RPS29: variants seen among roughly 807,000 people sequenced by gnomAD.
RPS29 encodes the protein ribosomal protein S29.
For missense variants in RPS29, 60 were observed against 75.7 expected, an observed-to-expected ratio of 0.79 and a Z score of 0.77; for synonymous variants, 37 against 26.9, an observed-to-expected ratio of 1.37 and a Z score of -1.16.
chr14:49,573,917 G>C (rs1881116125), exon 3 of RPS29: 2 of 152,192 alleles, frequency 1.3e-5, no homozygotes, highest in African/African-American at 4.8e-5. Context: ...ACCAGACTCA[G>C]TCTATGAAAT....
intron 1 of RPS29, among the ~76,000 whole-genome samples, chr14:49,595,804 G>C (rs867081499): frequency 3.9e-5 from 6 of 152,204 alleles, no homozygotes; most frequent in Admixed American, 3.3e-4. Context: ...CCAGAGGTCA[G>C]GAGTTCGAGA....
intron 1 of RPS29, chr14:49,597,369 C>T (rs955192143): frequency 1.3e-5 from 2 of 151,820 alleles, no homozygotes; most frequent in African/African-American, 2.4e-5. Context: ...AACATTTCTA[C>T]TCTAATGAAA....
At chr14:49,590,757 C>A (rs1003984732), upstream of RPS29, among the ~76,000 whole-genome samples, 3 of 150,696 alleles carry the variant, frequency 2.0e-5, no homozygotes, top group Admixed American at 1.3e-4. Context: ...GTAGGGCCAT[C>A]TCGGCTCACT....
downstream of RPS29, chr14:49,583,490 G>A: frequency 1.7e-6 from 1 of 600,170 alleles, no homozygotes; most frequent in East Asian, 3.5e-5. Flanking sequence ...TGGCGACAGA[G>A]GGGGACTCAG....
chr14:49,587,921 C>T (rs541093232), upstream of RPS29, among the ~76,000 whole-genome samples: 21 of 152,288 alleles, frequency 1.4e-4, 1 homozygote, highest in South Asian at 4.1e-3. Flanking sequence ...AGGTGAACAA[C>T]TTTGTGTAAC....
chr14:49,586,708 C>G (rs969216913), upstream of RPS29: 36 of 266,986 alleles, frequency 1.3e-4, no homozygotes, highest in Non-Finnish European at 2.0e-4. Context: ...AGTTCGGCAT[C>G]AATATGGTGA....
At chr14:49,595,888 C>A (rs1197028969) in intron 1 of RPS29, among the ~76,000 whole-genome samples, 1 of 152,052 alleles carries the variant, frequency 6.6e-6, no homozygotes, top group African/African-American at 2.4e-5. Flanking sequence ...TGACAGGCAC[C>A]TGTAATCCCA....
At chr14:49,585,575 C>T (rs761739511) in intron 2 of RPS29, 56 of 322,812 alleles carry the variant, frequency 1.7e-4, no homozygotes, top group Non-Finnish European at 2.7e-4. Flanking sequence ...AGAGGGAGAC[C>T]CTATCTCTAA....
chr14:49,590,384 G>A (rs1021459116), upstream of RPS29, among the ~76,000 whole-genome samples: 4 of 151,996 alleles, frequency 2.6e-5, no homozygotes. Flanking sequence ...GCTGAGGCAG[G>A]AGAATCGCTT....
At chr14:49,579,592 G>A (rs1401905351), downstream of RPS29, among the ~76,000 whole-genome samples, 2 of 152,100 alleles carry the variant, frequency 1.3e-5, no homozygotes. Context: ...GGTTGTTTGG[G>A]CCTCTCCTAT....
upstream of RPS29, among the ~76,000 whole-genome samples, chr14:49,589,114 C>T (rs1387743348): frequency 1.3e-5 from 2 of 151,870 alleles, no homozygotes. Context: ...AGGATGGTCT[C>T]GATCTCCTGA....
intron 1 of RPS29, among the ~76,000 whole-genome samples, chr14:49,596,578 G>A (rs1881825906): frequency 6.6e-6 from 1 of 152,122 alleles, no homozygotes; most frequent in Admixed American, 6.5e-5. Flanking sequence ...ACTGATAGAT[G>A]TTTAAAAAAG....
intron 1 of RPS29, among the ~76,000 whole-genome samples, chr14:49,596,306 T>C (rs1024775728): frequency 1.3e-5 from 2 of 152,174 alleles, no homozygotes; most frequent in African/African-American, 4.8e-5. Context: ...CAAAAACTTG[T>C]AGTCCAATTA....
chr14:49,581,952 G>T (rs1161117599), downstream of RPS29, among the ~76,000 whole-genome samples: 1 of 147,342 alleles, frequency 6.8e-6, no homozygotes, highest in Non-Finnish European at 1.5e-5. Context: ...AGCCCAAGAG[G>T]TTGAGGCTGC....
At chr14:49,582,778 G>A (rs1177169838), downstream of RPS29, among the ~76,000 whole-genome samples, 1 of 152,130 alleles carries the variant, frequency 6.6e-6, no homozygotes, top group Non-Finnish European at 1.5e-5. Context: ...CAAATCCCAA[G>A]AATTTTCACC....
upstream of RPS29, among the ~76,000 whole-genome samples, chr14:49,588,349 G>C (rs184891512): frequency 6.6e-5 from 10 of 152,246 alleles, no homozygotes; most frequent in Admixed American, 5.9e-4. Context: ...TATTCTCTTT[G>C]ATAGAGATAT....
At chr14:49,591,128 T>C (rs1230310946), upstream of RPS29, among the ~76,000 whole-genome samples, 2 of 152,162 alleles carry the variant, frequency 1.3e-5, no homozygotes, top group Admixed American at 1.3e-4. Flanking sequence ...AAGTAAAACA[T>C]ACATACTTCA....
Position 49,586,314 on chromosome 14 carries a change from C to A in RPS29, c.33G>T (p.Pro11=), listed in dbSNP as rs779618405. ...AGCGAGAACCCTGGCCGAATTTTCG[C>A]GGGTGGCTCCAGTACAGCTGCTGGT... The part of the protein sequence containing the change: MGHQQLYWSH[P]RKFGQGSRSC... Residue 11 remains proline, a synonymous_variant, in exon 1 of 3, where the codon CCG becomes CCT. Coordinates refer to ENST00000245458, the MANE Select transcript of RPS29 (RefSeq NM_001032.5). The A allele has an allele frequency of 6.3e-5, 102 of 1,613,828 alleles. No homozygotes were observed. The highest frequency in any genetic ancestry group is 8.6e-5 in the Non-Finnish European group (102 of 1,179,850).
chr14:49,586,209 G>C (rs556860214), intron 1 of RPS29, 76 bp downstream of exon 1: 1 of 1,496,564 alleles, frequency 6.7e-7, no homozygotes, highest in Admixed American at 1.7e-5. Context: ...GCCGCCCGTG[G>C]CCTCCTCTAC....
Sources: allele counts gnomAD v4.1 joint callset (sites outside exome capture counted in the v4.1 genomes callset), GRCh38; gene constraint gnomAD v4.1.1; transcripts MANE v1.5; gene names NCBI Gene and HGNC (gene_info 2026-07-23, HGNC 2026-07-21).